The following CNBD1 variants were observed in gnomAD, a reference collection of about 807,000 sequenced individuals.
CNBD1 encodes the protein cyclic nucleotide binding domain containing 1.
A neutral mutation model predicts 54.4 loss-of-function variants in CNBD1; 71 were observed. The ratio of observed to expected loss-of-function variants is 1.30; its 90% CI spans 1.08 to 1.59. The LOEUF is 1.59. Ranked by LOEUF, CNBD1 falls within the 40% of genes most tolerant of loss-of-function variation. CNBD1 has a pLI of 0.00. For synonymous variants in CNBD1, 182 were observed against 170.7 expected, an observed-to-expected ratio of 1.07 and a Z score of -0.51; for missense variants, 659 against 518.0, an observed-to-expected ratio of 1.27 and a Z score of -2.64.
intron 4 of CNBD1, among the ~76,000 whole-genome samples, chr8:86,954,548 A>C (rs934846004): frequency 6.8e-6 from 1 of 146,280 alleles, no homozygotes; most frequent in Non-Finnish European, 1.5e-5. Flanking sequence ...ACAATCCTTT[A>C]ATCCTCTGAA....
At chr8:87,232,151 CA>C (rs1371812807) in intron 5 of CNBD1, among the ~76,000 whole-genome samples, 1 of 152,088 alleles carries the variant, frequency 6.6e-6, no homozygotes, top group Non-Finnish European at 1.5e-5. Flanking sequence ...CATGGACATA[CA>C]AGAGCTTCTT....
intron 4 of CNBD1, among the ~76,000 whole-genome samples, chr8:87,050,181 A>G (rs969735633): frequency 6.6e-6 from 1 of 152,166 alleles, no homozygotes; most frequent in African/African-American, 2.4e-5. Context: ...GGGTATCCAC[A>G]ATCTGCAAAG....
At chr8:86,959,036 C>G (rs910706596) in intron 4 of CNBD1, among the ~76,000 whole-genome samples, 6 of 152,136 alleles carry the variant, frequency 3.9e-5, no homozygotes, top group Non-Finnish European at 7.4e-5. Context: ...TCTTGTAAAG[C>G]AGGCCTGGTG....
intron 2 of CNBD1, among the ~76,000 whole-genome samples, chr8:86,894,101 CCGGACTG>C (rs1448437884): frequency 5.1e-4 from 58 of 112,756 alleles, no homozygotes; most frequent in African/African-American, 1.8e-3. Flanking sequence ...GTCGCCCAGG[CCGGACTG>C]CGGACTGCAG....
At chr8:87,299,898 C>G (rs1399742689) in intron 8 of CNBD1, among the ~76,000 whole-genome samples, 1 of 152,150 alleles carries the variant, frequency 6.6e-6, no homozygotes, top group Non-Finnish European at 1.5e-5. Flanking sequence ...TCTTCCATCT[C>G]TCTGTTCTTT....
intron 4 of CNBD1, among the ~76,000 whole-genome samples, chr8:86,957,752 C>T (rs1439621959): frequency 6.6e-6 from 1 of 152,026 alleles, no homozygotes. Context: ...AGCAGTCTAT[C>T]AATTTTGTTG....
In CNBD1 at chr8:86,991,648, G is replaced by T. The variant is rs547186141; in HGVS notation, c.431+51894G>T. Among the ~76,000 whole-genome samples the T allele has an allele frequency of 1.1e-4, 17 of 152,168 alleles. No homozygotes were observed. In the South Asian group the frequency reaches 2.9e-3, roughly 26 times the overall value. Reference sequence around the variant, plus strand: ...CAATCTTTCTAACTTCTTGATGAAGGTGTTTAGTTCTGTAAACTTCTCTTA... The same window carrying T: ...CAATCTTTCTAACTTCTTGATGAAGTTGTTTAGTTCTGTAAACTTCTCTTA... On this transcript the variant is annotated intron_variant, in intron 4 of 10. Coordinates refer to ENST00000518476, the MANE Select transcript of CNBD1 (RefSeq NM_173538.3).
At chr8:87,360,806 A>G (rs1810510290) in intron 10 of CNBD1, among the ~76,000 whole-genome samples, 1 of 151,948 alleles carries the variant, frequency 6.6e-6, no homozygotes, top group Non-Finnish European at 1.5e-5. Context: ...TTATTGGTAT[A>G]AACTATCTGA....
At chr8:87,257,369 CA>C (rs771338208) in intron 6 of CNBD1, among the ~76,000 whole-genome samples, 2,506 of 67,502 alleles carry the variant, frequency 0.037, 68 homozygotes, top group African/African-American at 0.12. Flanking sequence ...AACTCTATCG[CA>C]AAAAAAAAAA....
chr8:87,035,654 T>C (rs1809917711), intron 4 of CNBD1, among the ~76,000 whole-genome samples: 1 of 152,204 alleles, frequency 6.6e-6, no homozygotes, highest in Non-Finnish European at 1.5e-5. Flanking sequence ...TGAATGTGTT[T>C]GTGGCAGTTA....
At chr8:87,041,217 A>G (rs1810060799) in intron 4 of CNBD1, among the ~76,000 whole-genome samples, 1 of 152,148 alleles carries the variant, frequency 6.6e-6, no homozygotes, top group Non-Finnish European at 1.5e-5. Flanking sequence ...TTAGGGAATG[A>G]CAGGAGGGGT....
intron 2 of CNBD1, 81 bp from the exon 3 acceptor site, chr8:86,905,000 G>A (rs1028714205): frequency 3.8e-5 from 27 of 709,450 alleles, no homozygotes; most frequent in East Asian, 1.4e-4. Flanking sequence ...GAATTGATAC[G>A]TATATATTGA....
chr8:87,257,012 T>C (rs2130845123), intron 6 of CNBD1, among the ~76,000 whole-genome samples: 1 of 152,198 alleles, frequency 6.6e-6, no homozygotes, highest in Admixed American at 6.6e-5. Flanking sequence ...CATAATAATC[T>C]ACTGTTATAA....
intron 10 of CNBD1, among the ~76,000 whole-genome samples, chr8:87,375,837 T>C (rs67452998): frequency 0.17 from 25,314 of 151,854 alleles, 2,955 homozygotes; most frequent in African/African-American, 0.34. Context: ...AATACTTTCC[T>C]AATATGCTTT....
rs138915713 is a variant in CNBD1, at chr8:87,071,930, C to G, written c.431+132176C>G. ...TGGGGTATTAAAATCTCCCACTATA[C>G]TTGTGTGGGAGTCTATGTCTCTTTA... On this transcript the variant is annotated intron_variant, in intron 4 of 10. Coordinates refer to ENST00000518476, the MANE Select transcript of CNBD1 (RefSeq NM_173538.3). Among the ~76,000 whole-genome samples, 1,091 of 152,040 alleles carry G rather than the reference C, an allele frequency of 7.2e-3. 15 individuals are homozygous for G. Among genetic ancestry groups the G allele is most frequent in the African/African-American group, 0.025 (1,023 of 41,512 alleles).
intron 4 of CNBD1, among the ~76,000 whole-genome samples, chr8:87,035,643 T>C (rs1281331354): frequency 6.6e-6 from 1 of 152,216 alleles, no homozygotes; most frequent in African/African-American, 2.4e-5. Flanking sequence ...AATAAAATAC[T>C]TGAATGTGTT....
intron 2 of CNBD1, among the ~76,000 whole-genome samples, chr8:86,900,139 A>G (rs1028674487): frequency 6.6e-6 from 1 of 152,200 alleles, no homozygotes; most frequent in South Asian, 2.1e-4. Flanking sequence ...TAAGACTGCC[A>G]TGCTGCAAAA....
Position 87,291,687 on chromosome 8 carries a change from T to C in CNBD1, c.1042+5016T>C, listed in dbSNP as rs187525849. Among the ~76,000 whole-genome samples the C allele has an allele frequency of 1.1e-3, 169 of 152,252 alleles. 1 individual carries two copies. Among genetic ancestry groups the C allele is most frequent in the African/African-American group, 3.9e-3 (162 of 41,550 alleles). ...GCACAGGGGACAAGGTCTCATTATA[T>C]TATCCAGGCTGGACTCAAACTCCTG... On this transcript the variant is annotated intron_variant, in intron 8 of 10. Transcript: ENST00000518476.
chr8:87,247,320 C>T (rs1223479259), intron 6 of CNBD1, among the ~76,000 whole-genome samples: 1 of 152,160 alleles, frequency 6.6e-6, no homozygotes, highest in Admixed American at 6.6e-5. Flanking sequence ...GGAAGTAATG[C>T]TCCAACTCTT....
Sources: allele counts gnomAD v4.1 joint callset (sites outside exome capture counted in the v4.1 genomes callset), GRCh38; gene constraint gnomAD v4.1.1; transcripts MANE v1.5; gene names NCBI Gene and HGNC (gene_info 2026-07-23, HGNC 2026-07-21).